TMPRSS9: variants seen among roughly 807,000 people sequenced by gnomAD.
TMPRSS9 encodes transmembrane protease serine 9.
TMPRSS9 carries 113 observed loss-of-function variants against 111.4 expected under a neutral mutation model. The ratio of observed to expected loss-of-function variants is 1.01; its 90% CI spans 0.87 to 1.19. The LOEUF is 1.19. Ranked by LOEUF, TMPRSS9 falls within the 50% of genes most tolerant of loss-of-function variation. The pLI is 0.00. For missense variants in TMPRSS9, 1,803 were observed against 1,513.1 expected (o/e 1.19, Z -3.18); for synonymous variants, 805 against 659.1 (o/e 1.22, Z -3.39).
At position 2,416,527 on chromosome 19, in the gene TMPRSS9, T is replaced by C. The variant is rs763360843; in HGVS notation, c.1746-11T>C. The C allele has an allele frequency of 3.1e-6, 5 of 1,598,784 alleles. No individual in the cohort carries two copies. In the Admixed American group the frequency reaches 8.4e-5, roughly 27 times the overall value. ...GGAGGGCAGGCATGTCTGAGGGCCCTGTCTCCATAGCACGAAGGTGGAGCA... is the reference window on the plus strand; with the variant it reads ...GGAGGGCAGGCATGTCTGAGGGCCCCGTCTCCATAGCACGAAGGTGGAGCA... On this transcript the variant is annotated splice_polypyrimidine_tract_variant and intron_variant, in intron 11 of 17. Coordinates refer to ENST00000648592, the Ensembl canonical transcript of TMPRSS9.
chr19:2,425,006 G>A, exon 16 of TMPRSS9: 3 of 1,528,286 alleles, frequency 2.0e-6, no homozygotes, highest in Non-Finnish European at 1.7e-6. Flanking sequence ...CCGCAGCTAC[G>A]GGGACCCCAA....
intron 6 of TMPRSS9, among the ~76,000 whole-genome samples, chr19:2,404,637 A>G (rs1281889128): frequency 6.6e-6 from 1 of 152,144 alleles, no homozygotes; most frequent in African/African-American, 2.4e-5. Flanking sequence ...GTGACAAAAA[A>G]TATCAAGACT....
At chr19:2,421,429 C>T (rs915189757) in intron 13 of TMPRSS9, among the ~76,000 whole-genome samples, 36 of 151,656 alleles carry the variant, frequency 2.4e-4, no homozygotes, top group Admixed American at 1.2e-3. Flanking sequence ...GGTGGAACTA[C>T]AGGCGCCCAC....
upstream of TMPRSS9, among the ~76,000 whole-genome samples, chr19:2,387,957 T>C (rs527402409): frequency 2.0e-5 from 3 of 151,896 alleles, no homozygotes; most frequent in South Asian, 6.2e-4. Flanking sequence ...GCTGGTGGGC[T>C]GTCCAGAGCC....
chr19:2,400,975 TAAAAA>T (rs58186638), intron 4 of TMPRSS9, among the ~76,000 whole-genome samples: 1 of 124,834 alleles, frequency 8.0e-6, no homozygotes, highest in African/African-American at 2.9e-5. Flanking sequence ...GACTCTGTCT[TAAAAA>T]AAAAAAAAAA....
chr19:2,388,924 G>A (rs965070201), upstream of TMPRSS9, among the ~76,000 whole-genome samples: 4 of 151,046 alleles, frequency 2.6e-5, no homozygotes, highest in African/African-American at 7.3e-5. Context: ...ACGCCTGGCC[G>A]AAAACTCGGT....
Position 2,372,625 on chromosome 19 carries a change from G to A in TMPRSS9, c.-26+12265G>A, listed in dbSNP as rs140228308. On this transcript the variant is annotated intron_variant, in intron 1 of 17. Transcript: ENST00000649857. ...TGCCTTTCTCTGAATTAAAACGCTC[G>A]CTTGTCTGAGACCGGCTGTCTCCAT... Among the ~76,000 whole-genome samples, 167 of 152,220 alleles carry A rather than the reference G, an allele frequency of 1.1e-3. 4 individuals are homozygous for A. In the East Asian group the frequency reaches 0.026, roughly 24 times the overall value.
chr19:2,373,528 C>G (rs1287283843), intron 1 of TMPRSS9, among the ~76,000 whole-genome samples: 1 of 152,056 alleles, frequency 6.6e-6, no homozygotes, highest in African/African-American at 2.4e-5. Context: ...CCATGCCCAG[C>G]TAATTTTTGC....
At chr19:2,424,884 G>C in intron 15 of TMPRSS9, 118 bp from the exon 17 acceptor site, 1 of 1,269,484 alleles carries the variant, frequency 7.9e-7, no homozygotes, top group Non-Finnish European at 1.0e-6. Context: ...CCGACAGCCA[G>C]AGACCAAGAG....
At chr19:2,419,276 T>G (rs1441796771) in intron 13 of TMPRSS9, among the ~76,000 whole-genome samples, 1 of 150,296 alleles carries the variant, frequency 6.7e-6, no homozygotes, top group Non-Finnish European at 1.5e-5. Flanking sequence ...CGATCTTGGC[T>G]CACTGCAACC....
At chr19:2,411,332 A>G (rs1432804870) in intron 9 of TMPRSS9, among the ~76,000 whole-genome samples, 7 of 139,744 alleles carry the variant, frequency 5.0e-5, no homozygotes, top group African/African-American at 1.9e-4. Context: ...AAAAAAAAAA[A>G]AGAGAAAATC....
At chr19:2,368,081 A>G (rs945407355) in intron 1 of TMPRSS9, among the ~76,000 whole-genome samples, 5 of 152,172 alleles carry the variant, frequency 3.3e-5, no homozygotes, top group African/African-American at 1.2e-4. Flanking sequence ...TGCCAGCTAT[A>G]GTTATCAAAT....
At chr19:2,425,165 C>G in exon 16 of TMPRSS9, 1 of 1,564,862 alleles carries the variant, frequency 6.4e-7, no homozygotes, top group Non-Finnish European at 8.6e-7. Flanking sequence ...GCCGGTGCGT[C>G]GCAGCCGCCT....
chr19:2,393,362 A>T (rs1314764538), intron 1 of TMPRSS9, among the ~76,000 whole-genome samples: 4 of 152,124 alleles, frequency 2.6e-5, no homozygotes, highest in Non-Finnish European at 4.4e-5. Flanking sequence ...TAAGAGCTGC[A>T]ACACTCCCTG....
At chr19:2,408,262 C>A in intron 7 of TMPRSS9, 94 bp from the exon 9 acceptor site, 1 of 1,219,370 alleles carries the variant, frequency 8.2e-7, no homozygotes, top group Non-Finnish European at 1.2e-6. Context: ...TGGGGGGATA[C>A]CCCTTACATT....
At chr19:2,424,826 CCGGTGCCGCCT>C (rs1971566918) in intron 15 of TMPRSS9, among the ~76,000 whole-genome samples, 165 bp from the exon 17 acceptor site, 1 of 152,116 alleles carries the variant, frequency 6.6e-6, no homozygotes, top group Admixed American at 6.5e-5. Flanking sequence ...GCTGCAGTTC[CCGGTGCCGCCT>C]CGGTGCCTGA....
At position 2,379,620 on chromosome 19, in the gene TMPRSS9, T is replaced by TCTTC. The variant is rs1307684937; in HGVS notation, c.-25-10138_-25-10137insCCTT. 8.2e-4 allele frequency among the ~76,000 whole-genome samples: 86 copies of TCTTC among 105,016 alleles called. 1 individual carries two copies. The highest frequency in any genetic ancestry group is 3.4e-3 in the African/African-American group (81 of 23,830). The allele number at this position is 105,016 out of a possible 152,430, so 68.9% of individuals were successfully genotyped here. On this transcript the variant is annotated intron_variant, in intron 1 of 17. Coordinates refer to the TMPRSS9 transcript ENST00000649857. ...TCCCTAAACTAACTTTCTTTCTCTTTCTTTCTTTCTTTCTTTCTTTCTTTC... is the reference window on the plus strand; with the variant it reads ...TCCCTAAACTAACTTTCTTTCTCTTTCTTCCTTTCTTTCTTTCTTTCTTTCTTTC...
At chr19:2,389,796 C>T (rs755518768) in exon 1 of TMPRSS9, 68 of 1,613,002 alleles carry the variant, frequency 4.2e-5, no homozygotes, top group Non-Finnish European at 4.0e-5. Flanking sequence ...ATGGAGCCCA[C>T]TGTGGCTGAC....
In TMPRSS9 at chr19:2,424,540, C is replaced by G. The variant is rs573295830; in HGVS notation, c.2717+283C>G. ...ACCTAACCCGGAAGCTGCGGCCCCC[C>G]CCCTCCAGCTCCAGGCTAAGCCCAC... On this transcript the variant is annotated intron_variant, in intron 15 of 17. Coordinates refer to ENST00000648592, the Ensembl canonical transcript of TMPRSS9. Among the ~76,000 whole-genome samples, 16 of 139,490 alleles carry G rather than the reference C, an allele frequency of 1.1e-4. No individual in the cohort carries two copies. In the South Asian group the frequency reaches 3.2e-3, roughly 28 times the overall value. 91.5% of individuals were successfully genotyped at this position (139,490 alleles called of 152,430 possible).
Sources: gnomAD v4.1 joint callset for allele counts (sites outside exome capture counted in the v4.1 genomes callset) on GRCh38, gnomAD v4.1.1 for gene constraint, MANE v1.5 for transcripts, NCBI Gene and HGNC (gene_info 2026-07-23, HGNC 2026-07-21) for gene names.